The following ANGPT2 variants were observed in gnomAD, a reference collection of about 807,000 sequenced individuals.
The protein encoded by ANGPT2 is angiopoietin-2.
Under a neutral mutation model 62.9 loss-of-function variants are expected in ANGPT2, and 28 were observed. The observed-to-expected ratio is 0.44, with a 90% CI of 0.33 to 0.61. The LOEUF is 0.61. Ranked by LOEUF, ANGPT2 falls within the 20% of genes least tolerant of loss-of-function variation. The probability of loss-of-function intolerance (pLI) is 0.03; values close to 1 mark genes in which losing one functional copy is unlikely to be tolerated. For missense variants in ANGPT2, 727 were observed against 594.9 expected, an observed-to-expected ratio of 1.22 and a Z score of -2.31; for synonymous variants, 284 against 207.8, an observed-to-expected ratio of 1.37 and a Z score of -3.15.
At chr8:6,556,648 T>C (rs547904741) in intron 1 of ANGPT2, among the ~76,000 whole-genome samples, 11 of 152,216 alleles carry the variant, frequency 7.2e-5, no homozygotes, top group African/African-American at 2.6e-4. Context: ...GGGTCTCACT[T>C]TGTTGCCCAG....
At chr8:6,510,539 C>T (rs771264215) in intron 7 of ANGPT2, among the ~76,000 whole-genome samples, 21 of 152,202 alleles carry the variant, frequency 1.4e-4, no homozygotes, top group Non-Finnish European at 2.8e-4. Context: ...CAGGTGCTTA[C>T]ACCTGCATGC....
intron 8 of ANGPT2, among the ~76,000 whole-genome samples, chr8:6,505,785 T>C (rs1229371836): frequency 4.8e-4 from 41 of 85,310 alleles, no homozygotes; most frequent in African/African-American, 1.0e-3. Flanking sequence ...TCTTTATATA[T>C]GTATATATAA....
intron 5 of ANGPT2, among the ~76,000 whole-genome samples, chr8:6,516,526 C>T (rs1481694855): frequency 1.3e-5 from 2 of 152,202 alleles, no homozygotes; most frequent in African/African-American, 2.4e-5. Flanking sequence ...CAACACAGTT[C>T]CAAGTTTAAA....
intron 1 of ANGPT2, among the ~76,000 whole-genome samples, chr8:6,538,421 G>C (rs1820901324): frequency 6.6e-6 from 1 of 152,196 alleles, no homozygotes; most frequent in Non-Finnish European, 1.5e-5. Context: ...TGCAAAGCTG[G>C]TGACCGCAGC....
At chr8:6,509,883 A>G (rs1814626171) in intron 7 of ANGPT2, among the ~76,000 whole-genome samples, 1 of 152,222 alleles carries the variant, frequency 6.6e-6, no homozygotes. Flanking sequence ...CCTGGGGATC[A>G]CAGGACTGAC....
At chr8:6,521,596 A>G (rs1412591601) in intron 3 of ANGPT2, among the ~76,000 whole-genome samples, 186 bp from the exon 4 acceptor site, 1 of 152,268 alleles carries the variant, frequency 6.6e-6, no homozygotes, top group Non-Finnish European at 1.5e-5. Context: ...AAATGTGTGT[A>G]TATATGTAAA....
intron 1 of ANGPT2, among the ~76,000 whole-genome samples, chr8:6,562,410 G>C (rs972931637): frequency 6.6e-6 from 1 of 152,088 alleles, no homozygotes; most frequent in African/African-American, 2.4e-5. Context: ...GAGATTTTCT[G>C]TATTGACTCT....
At position 6,502,525 on chromosome 8, in the gene ANGPT2, C is replaced by T. The variant is rs1812394259; in HGVS notation, c.*576G>A. 6.6e-6 allele frequency: 1 copy of T among 152,142 alleles called. No individual in the cohort carries two copies. Among genetic ancestry groups the T allele is most frequent in the South Asian group, 2.1e-4 (1 of 4,832 alleles). 9.4% of individuals were successfully genotyped at this position (152,142 alleles called of 1,614,324 possible). Reference sequence around the variant, plus strand: ...CTGTTTTTGAAATAAAAATTTAAAGCACCTAAGAGATGGAGTAAAAATGCA... The same window carrying T: ...CTGTTTTTGAAATAAAAATTTAAAGTACCTAAGAGATGGAGTAAAAATGCA... On this transcript the variant is annotated 3_prime_UTR_variant, in exon 9 of 9. Transcript: ENST00000629816.
chr8:6,508,827 G>T (rs113081627), intron 8 of ANGPT2, 105 bp downstream of exon 8: 2 of 1,492,546 alleles, frequency 1.3e-6, no homozygotes, highest in Non-Finnish European at 1.9e-6. Context: ...GTATGAAATT[G>T]TGGACATCGT....
At chr8:6,525,449 C>G (rs1243441991) in intron 3 of ANGPT2, among the ~76,000 whole-genome samples, 1 of 152,186 alleles carries the variant, frequency 6.6e-6, no homozygotes, top group East Asian at 1.9e-4. Context: ...TGGCTAGTCT[C>G]AAACTCCTGG....
rs564015581 is a variant in ANGPT2, at chr8:6,538,326, G to A, written c.289-5839C>T. Among the ~76,000 whole-genome samples the A allele has an allele frequency of 2.0e-3, 304 of 152,174 alleles. 3 individuals carry two copies. The highest frequency in any genetic ancestry group is 7.1e-3 in the African/African-American group (294 of 41,520). On this transcript the variant is annotated intron_variant, in intron 1 of 8. Transcript: ENST00000629816. ...CCCATGATCCCATCTTCCCGCCCAG[G>A]GTCCACTGTCCTCTCTGTCTCTTGC...
At chr8:6,540,867 C>T (rs531280534) in intron 1 of ANGPT2, among the ~76,000 whole-genome samples, 6 of 152,352 alleles carry the variant, frequency 3.9e-5, no homozygotes, top group South Asian at 2.1e-4. Context: ...AGGCGGCCAC[C>T]GCCGCGCTGG....
chr8:6,549,218 A>G (rs949273770), intron 1 of ANGPT2, among the ~76,000 whole-genome samples: 1 of 152,250 alleles, frequency 6.6e-6, no homozygotes, highest in Non-Finnish European at 1.5e-5. Context: ...ACAAATGTCA[A>G]TCTACAGCAG....
At position 6,500,795 on chromosome 8, in the gene ANGPT2, A is replaced by G. The variant is rs1812018882; in HGVS notation, c.*2306T>C. The G allele has an allele frequency of 6.6e-6, 1 of 152,224 alleles. No individual in the cohort carries two copies. The highest frequency in any genetic ancestry group is 1.5e-5 in the Non-Finnish European group (1 of 68,036). 9.4% of individuals were successfully genotyped at this position (152,224 alleles called of 1,614,324 possible). A position where few individuals can be genotyped will look rare whatever the true frequency, so the allele number is the denominator to read the frequency against. The stretch of plus-strand genomic sequence containing the variant: ...AATTGAAGTGTAAAGTAAAAACACA[A>G]ATTCCCCCCATTCTCGCTCATAAGA... On this transcript the variant is annotated 3_prime_UTR_variant, in exon 9 of 9. Transcript: ENST00000629816.
At chr8:6,531,609 G>T (rs894254851) in intron 2 of ANGPT2, among the ~76,000 whole-genome samples, 1 of 152,058 alleles carries the variant, frequency 6.6e-6, no homozygotes, top group African/African-American at 2.4e-5. Flanking sequence ...GACTATTTCA[G>T]TCTTCTTTCT....
intron 2 of ANGPT2, among the ~76,000 whole-genome samples, chr8:6,531,973 A>G (rs1819602823): frequency 6.6e-6 from 1 of 152,130 alleles, no homozygotes; most frequent in Non-Finnish European, 1.5e-5. Context: ...TCATTTCTCA[A>G]ATGTTCAAAG....
chr8:6,506,443 T>C (rs1586200300), intron 8 of ANGPT2, among the ~76,000 whole-genome samples: 3 of 152,178 alleles, frequency 2.0e-5, no homozygotes, highest in East Asian at 3.9e-4. Context: ...GTAAATATAT[T>C]GTTTCCTTGG....
chr8:6,505,184 A>ATG (rs1813056516), intron 8 of ANGPT2, among the ~76,000 whole-genome samples: 1 of 143,092 alleles, frequency 7.0e-6, no homozygotes, highest in Admixed American at 7.2e-5. Flanking sequence ...GAATATATAT[A>ATG]TATATATTCT....
intron 5 of ANGPT2, among the ~76,000 whole-genome samples, chr8:6,518,603 G>T (rs1394587500): frequency 6.6e-6 from 1 of 152,094 alleles, no homozygotes; most frequent in African/African-American, 2.4e-5. Flanking sequence ...CCTAATGCTT[G>T]TATTTTTAAA....
Sources: allele counts gnomAD v4.1 joint callset (sites outside exome capture counted in the v4.1 genomes callset), GRCh38; gene constraint gnomAD v4.1.1; transcripts MANE v1.5; gene names NCBI Gene and HGNC (gene_info 2026-07-23, HGNC 2026-07-21).